PPIG: variants seen among roughly 807,000 people sequenced by gnomAD.
PPIG encodes peptidylprolyl isomerase G.
A neutral mutation model predicts 87.9 loss-of-function variants in PPIG; 26 were observed. That is an observed-to-expected ratio of 0.30 (90% CI 0.22 to 0.41). The LOEUF is 0.41. Among genes scored for constraint, PPIG ranks in the 10% least tolerant of loss-of-function variants. PPIG has a pLI of 1.00. For missense variants in PPIG, 722 were observed against 879.4 expected (o/e 0.82, Z 2.26); for synonymous variants, 308 against 276.5 (o/e 1.11, Z -1.13).
intron 7 of PPIG, among the ~76,000 whole-genome samples, chr2:169,611,756 T>C (rs749320534): frequency 5.3e-5 from 8 of 152,178 alleles, no homozygotes. Context: ...ATATAATCCT[T>C]CATATATATA....
chr2:169,620,884 C>A (rs75968631), intron 9 of PPIG, among the ~76,000 whole-genome samples: 4,129 of 152,180 alleles, frequency 0.027, 77 homozygotes, highest in East Asian at 0.1. Context: ...CTTAAACTGA[C>A]TCTGTTCTTA....
chr2:169,615,911 A>T (rs539178832), intron 9 of PPIG, among the ~76,000 whole-genome samples: 2 of 152,276 alleles, frequency 1.3e-5, no homozygotes, highest in Admixed American at 1.3e-4. Flanking sequence ...GGTTTATTAC[A>T]TAGGTATACA....
At chr2:169,632,418 A>T (rs967383140) in intron 11 of PPIG, among the ~76,000 whole-genome samples, 1 of 152,216 alleles carries the variant, frequency 6.6e-6, no homozygotes, top group South Asian at 2.1e-4. Context: ...AATATCTGTA[A>T]TGCTAATGGT....
At position 169,590,369 on chromosome 2, in the gene PPIG, A is replaced by C. The variant is rs2460863; in HGVS notation, c.-70+5879A>C. Among the ~76,000 whole-genome samples, 4 of 151,876 alleles carry C rather than the reference A, an allele frequency of 2.6e-5. No homozygotes were observed. In the South Asian group the frequency reaches 6.2e-4, roughly 24 times the overall value. ...ACCTTAGAAAGTCAGGGCCTGGAGCAGTGGCTCAAGCCTGTAACGCCAGCA... is the reference window on the plus strand; with the variant it reads ...ACCTTAGAAAGTCAGGGCCTGGAGCCGTGGCTCAAGCCTGTAACGCCAGCA... On this transcript the variant is annotated intron_variant, in intron 1 of 13. Coordinates refer to ENST00000260970, the MANE Select transcript of PPIG (RefSeq NM_004792.3).
intron 1 of PPIG, among the ~76,000 whole-genome samples, chr2:169,599,073 A>G (rs1003245893): frequency 2.0e-5 from 3 of 152,104 alleles, no homozygotes; most frequent in Admixed American, 1.3e-4. Flanking sequence ...GTAAATTCCT[A>G]GAAGTGGAAT....
Position 169,630,895 on chromosome 2 carries a change from T to C in PPIG, c.669T>C (p.Thr223=). The C allele has an allele frequency of 6.2e-7, 1 of 1,609,074 alleles. No homozygotes were observed. Among genetic ancestry groups the C allele is most frequent in the Non-Finnish European group, 8.5e-7 (1 of 1,178,832 alleles). The part of the protein sequence containing the change: ...SSDSSDSESA[T]EEKSKKRKKK... ...ATTCCTCTGATTCCGAAAGTGCTAC[T>C]GAAGAGAAATCAAAGAAAAGAAAAA... Residue 223 remains threonine, a synonymous_variant, in exon 10 of 14, where the codon ACT becomes ACC. Coordinates refer to ENST00000260970, the MANE Select transcript of PPIG (RefSeq NM_004792.3).
chr2:169,617,749 T>C (rs533989947), intron 9 of PPIG, among the ~76,000 whole-genome samples: 10 of 152,220 alleles, frequency 6.6e-5, no homozygotes, highest in African/African-American at 1.2e-4. Flanking sequence ...TAAGGAGATA[T>C]GGGGCTGAGA....
At chr2:169,586,015 C>T (rs1684693005) in intron 1 of PPIG, among the ~76,000 whole-genome samples, 1 of 152,036 alleles carries the variant, frequency 6.6e-6, no homozygotes, top group Non-Finnish European at 1.5e-5. Flanking sequence ...AGAATGGCTG[C>T]TTCTCTCCTG....
intron 1 of PPIG, among the ~76,000 whole-genome samples, chr2:169,599,244 A>G (rs978525149): frequency 6.6e-6 from 1 of 152,158 alleles, no homozygotes; most frequent in East Asian, 1.9e-4. Context: ...TTACGTTTGT[A>G]ATTTTAATAT....
chr2:169,603,275 A>C (rs1242289460), intron 1 of PPIG, among the ~76,000 whole-genome samples: 1 of 152,162 alleles, frequency 6.6e-6, no homozygotes, highest in Admixed American at 6.5e-5. Context: ...ACGATTCAGC[A>C]TTTTAAGTCC....
chr2:169,623,560 CA>C (rs1256152748), intron 9 of PPIG, among the ~76,000 whole-genome samples: 1 of 152,134 alleles, frequency 6.6e-6, no homozygotes, highest in Non-Finnish European at 1.5e-5. Flanking sequence ...GATTGCCTGA[CA>C]ATACAGAACA....
Position 169,614,587 on chromosome 2 carries a change from A to T in PPIG, c.410A>T (p.His137Leu), listed in dbSNP as rs781523404. ...TAATTTTTTACTTGACACTTTAGGC[A>T]TCATGTTGTTTTTGGACAAGTAATC... is the stretch of plus-strand genomic sequence containing the variant. ...TTKPTPHLDGHHVVFGQVISG... is the reference protein window; with the variant it reads ...TTKPTPHLDGLHVVFGQVISG... Residue 137 changes from histidine to leucine, a missense_variant and splice_region_variant, in exon 9 of 14, where the codon CAT (histidine) becomes CTT (leucine). Around this residue, in one of 4 missense-constraint regions of PPIG, gnomAD observed 99 missense variants for 215.8 expected, o/e 0.46. Transcript: ENST00000260970. 1.9e-6 allele frequency: 3 copies of T among 1,602,290 alleles called. No homozygotes were observed. Among genetic ancestry groups the T allele is most frequent in the Non-Finnish European group, 2.5e-6 (3 of 1,176,950 alleles).
chr2:169,590,946 G>T (rs1273644325), intron 1 of PPIG, among the ~76,000 whole-genome samples: 3 of 152,208 alleles, frequency 2.0e-5, no homozygotes, highest in Non-Finnish European at 4.4e-5. Flanking sequence ...GTTCCAGGCT[G>T]CGGTGAGCTG....
intron 12 of PPIG, among the ~76,000 whole-genome samples, chr2:169,634,738 TTCTGCCTCC>T (rs201265611): frequency 0.044 from 6,691 of 152,276 alleles, 217 homozygotes; most frequent in East Asian, 0.18. Context: ...ATACTGTCAT[TTCTGCCTCC>T]TAAATATTCA....
chr2:169,636,037 G>C, intron 12 of PPIG, 55 bp from the exon 13 acceptor site: 1 of 1,402,776 alleles, frequency 7.1e-7, no homozygotes, highest in South Asian at 1.5e-5. Context: ...CAGCACCCAT[G>C]CGAGTCCCTC....
intron 11 of PPIG, 51 bp from the exon 12 acceptor site, chr2:169,633,109 C>T: frequency 7.4e-7 from 1 of 1,359,134 alleles, no homozygotes. Context: ...CATGTCTGGC[C>T]AACAAAAGTT....
chr2:169,602,668 G>A (rs1685217420), intron 1 of PPIG, among the ~76,000 whole-genome samples: 1 of 152,098 alleles, frequency 6.6e-6, no homozygotes, highest in African/African-American at 2.4e-5. Flanking sequence ...TTTATACCTG[G>A]GTGGCTCATG....
At chr2:169,634,803 T>TC (rs1457187701) in intron 12 of PPIG, among the ~76,000 whole-genome samples, 3 of 152,204 alleles carry the variant, frequency 2.0e-5, no homozygotes, top group South Asian at 2.1e-4. Context: ...TTAATTCAAC[T>TC]CCATCATATT....
chr2:169,608,898 C>T lies in PPIG; in HGVS notation c.377+140C>T, dbSNP rs1054844999. On this transcript the variant is annotated intron_variant, in intron 7 of 13. Coordinates refer to ENST00000260970, the MANE Select transcript of PPIG (RefSeq NM_004792.3). ...GAGATCGAGACCATCCTGGCTAACACGGTGAAACCCCGTCTCTACTAAAAA... is the reference window on the plus strand; with the variant it reads ...GAGATCGAGACCATCCTGGCTAACATGGTGAAACCCCGTCTCTACTAAAAA... 1.3e-4 allele frequency: 62 copies of T among 466,370 alleles called. 1 individual carries two copies. Among genetic ancestry groups the T allele is most frequent in the South Asian group, 1.1e-3 (48 of 44,456 alleles). The allele number at this position is 466,370 out of a possible 1,614,324, so 28.9% of individuals were successfully genotyped here.
Sources: allele counts gnomAD v4.1 joint callset (sites outside exome capture counted in the v4.1 genomes callset), GRCh38; gene constraint gnomAD v4.1.1; regional missense constraint gnomAD v4.1.1; transcripts MANE v1.5; gene names NCBI Gene and HGNC (gene_info 2026-07-23, HGNC 2026-07-21).